Variants in LUM observed in about 807,000 individuals in gnomAD.
The protein encoded by LUM is lumican, also known as KSPG lumican.
In LUM, 13 loss-of-function variants were observed where a neutral mutation model predicts 20.5. That is an observed-to-expected ratio of 0.63 (90% confidence interval 0.41 to 1.01). The LOEUF is 1.01. Among genes scored for constraint, LUM ranks in the 50% least tolerant of loss-of-function variants. The pLI is 0.00. For synonymous variants in LUM, 173 were observed against 151.5 expected, an observed-to-expected ratio of 1.14 and a Z score of -1.04; for missense variants, 321 against 391.1, an observed-to-expected ratio of 0.82 and a Z score of 1.51.
chr12:91,108,649 C>A lies in LUM; in HGVS notation c.331G>T (p.Val111Phe). 1 of 1,614,044 alleles carries A rather than the reference C, an allele frequency of 6.2e-7. No homozygotes were observed. The highest frequency in any genetic ancestry group is 1.7e-4 in the Middle Eastern group (1 of 6,060). The change falls in exon 2 of 3, where the codon GTT becomes TTT. Residue 111 changes from valine to phenylalanine, a missense_variant. Val to Phe is a conservative substitution (Grantham distance 50). Transcript: ENST00000266718. This position sits in a 1 kb window ranked among gnomAD's most constrained non-coding sequence, Gnocchi z 4.2. ...LLENSKIKGRVFSKLKQLKKL... is the reference protein window; with the variant it reads ...LLENSKIKGRFFSKLKQLKKL... The stretch of plus-strand genomic sequence containing the variant: ...TTCAGTTGTTTCAATTTAGAGAAAA[C>A]TCTCCCTTTTATCTTGGAGTTTTCT...
chr12:91,110,122 A>G (rs1592663753), intron 1 of LUM, among the ~76,000 whole-genome samples: 2 of 152,214 alleles, frequency 1.3e-5, no homozygotes, highest in South Asian at 4.1e-4. Flanking sequence ...TATAAGAGTT[A>G]GACTTTTATA....
At chr12:91,107,346 G>GAAA (rs1880102170) in intron 2 of LUM, among the ~76,000 whole-genome samples, 1 of 133,190 alleles carries the variant, frequency 7.5e-6, no homozygotes, top group East Asian at 2.6e-4. Flanking sequence ...AGAAAGAAAG[G>GAAA]GAAAGAAAGG....
Position 91,108,728 on chromosome 12 carries a change from C to T in LUM, c.252G>A (p.Lys84=), listed in dbSNP as rs1433798472. ...GCAGATCAGTTACATTCTCAAAGGC[C>T]TTTTCATCAATATGGTCAATCTGGT... The part of the protein sequence containing the change: ...RNNQIDHIDE[K]AFENVTDLQW... Residue 84 remains lysine (K), a synonymous_variant, in exon 2 of 3, where the codon AAG becomes AAA. Transcript: ENST00000266718. This position sits in a 1 kb window ranked among gnomAD's most constrained non-coding sequence, Gnocchi z 4.2. 1 of 1,614,086 alleles carries T rather than the reference C, an allele frequency of 6.2e-7. No homozygotes were observed. The highest frequency in any genetic ancestry group is 1.1e-5 in the South Asian group (1 of 91,080).
chr12:91,107,036 G>A (rs1263984555), intron 2 of LUM, among the ~76,000 whole-genome samples: 1 of 150,982 alleles, frequency 6.6e-6, no homozygotes, highest in Non-Finnish European at 1.5e-5. Flanking sequence ...GCCTGGTGGT[G>A]GTGGTGGCCT....
intron 2 of LUM, among the ~76,000 whole-genome samples, chr12:91,106,825 T>G (rs1470562217): frequency 6.6e-6 from 1 of 151,752 alleles, no homozygotes; most frequent in Non-Finnish European, 1.5e-5. Flanking sequence ...ATGATGATCA[T>G]GACAGCAGAG....
chr12:91,110,970 T>G (rs1193993778), intron 1 of LUM, among the ~76,000 whole-genome samples: 2 of 152,212 alleles, frequency 1.3e-5, no homozygotes, highest in African/African-American at 2.4e-5. Flanking sequence ...ACATAGAACG[T>G]TTATTGTAAA....
intron 2 of LUM, among the ~76,000 whole-genome samples, chr12:91,105,636 A>G (rs1284288011): frequency 6.6e-6 from 1 of 152,216 alleles, no homozygotes; most frequent in African/African-American, 2.4e-5. Flanking sequence ...GACAAGGAGA[A>G]TACCTGACTA....
In LUM at chr12:91,108,100, G is replaced by T; in HGVS notation, c.862+18C>A. On this transcript the variant is annotated intron_variant, in intron 2 of 2. Coordinates refer to ENST00000266718, the MANE Select transcript of LUM (RefSeq NM_002345.4). This position sits in a 1 kb window ranked among gnomAD's most constrained non-coding sequence, Gnocchi z 4.2. ...ACACTTGAGCACACATCAAACACAG[G>T]AACAGCTTTTTACTTACTCTCAAGT... 1 of 1,613,344 alleles carries T rather than the reference G, an allele frequency of 6.2e-7. No individual in the cohort carries two copies. The highest frequency in any genetic ancestry group is 8.5e-7 in the Non-Finnish European group (1 of 1,179,578).
chr12:91,104,090 T>C lies in LUM; in HGVS notation c.*75A>G, dbSNP rs896275469. 4 of 1,176,204 alleles carry C rather than the reference T, an allele frequency of 3.4e-6. No individual in the cohort carries two copies. The highest frequency in any genetic ancestry group is 5.0e-6 in the Non-Finnish European group (4 of 796,824). 72.9% of individuals were successfully genotyped at this position (1,176,204 alleles called of 1,614,324 possible). A position where few individuals can be genotyped will look rare whatever the true frequency, so the allele number is the denominator to read the frequency against. ...TAAAATTCATGGAAGTAATAAACAG[T>C]AATAAAATATGGATACTATGAAAAC... On this transcript the variant is annotated 3_prime_UTR_variant, in exon 3 of 3. Transcript: ENST00000266718.
intron 1 of LUM, among the ~76,000 whole-genome samples, chr12:91,111,137 A>G (rs941689956): frequency 6.6e-6 from 1 of 152,232 alleles, no homozygotes; most frequent in Non-Finnish European, 1.5e-5. Context: ...CACTGTGTCT[A>G]CTTTAACTAT....
Position 91,103,708 on chromosome 12 carries a change from A to G in LUM, c.*457T>C, listed in dbSNP as rs80228231. On this transcript the variant is annotated 3_prime_UTR_variant, in exon 3 of 3. Transcript: ENST00000266718. The stretch of plus-strand genomic sequence containing the variant: ...TAAAAATACTTCTTTAAGTGCATGA[A>G]GCTTCATGTATTTTGCAATATTCTT... The G allele has an allele frequency of 0.032, 4,845 of 152,920 alleles. 239 individuals carry two copies. The highest frequency in any genetic ancestry group is 0.26 in the East Asian group (1,355 of 5,162). 9.5% of individuals were successfully genotyped at this position (152,920 alleles called of 1,614,324 possible). A position where few individuals can be genotyped will look rare whatever the true frequency, so the allele number is the denominator to read the frequency against.
chr12:91,108,262 C>G lies in LUM; in HGVS notation c.718G>C (p.Glu240Gln), dbSNP rs267603717. ...CCAGGTATTCCACTATCAGCCAGTTCGTTGTGAGATAAACGCAGATACTGC... is the reference window on the plus strand; with the variant it reads ...CCAGGTATTCCACTATCAGCCAGTTGGTTGTGAGATAAACGCAGATACTGC... ...ALQYLRLSHN[E>Q]LADSGIPGNS... The change falls in exon 2 of 3, where the codon GAA becomes CAA. Residue 240 changes from glutamate (E) to glutamine (Q), a missense_variant. Coordinates refer to ENST00000266718, the MANE Select transcript of LUM (RefSeq NM_002345.4). The surrounding 1 kb of genome is among the most constrained non-coding windows in gnomAD (Gnocchi z 4.2). The G allele has an allele frequency of 6.2e-7, 1 of 1,613,954 alleles. No individual in the cohort carries two copies. Among genetic ancestry groups the G allele is most frequent in the Non-Finnish European group, 8.5e-7 (1 of 1,180,010 alleles).
chr12:91,104,172 A>G lies in LUM; in HGVS notation c.1010T>C (p.Leu337Pro). Residue 337 changes from leucine to proline, a missense_variant, in exon 3 of 3, where the codon CTT becomes CCT. Transcript: ENST00000266718. ...ECLRVANEVT[L>P]N ...TGTTCCAGGATACAGATATTAATTAAGAGTGACTTCGTTAGCAACACGTAG... is the reference window on the plus strand; with the variant it reads ...TGTTCCAGGATACAGATATTAATTAGGAGTGACTTCGTTAGCAACACGTAG... 6.2e-7 allele frequency: 1 copy of G among 1,611,746 alleles called. No individual in the cohort carries two copies. Among genetic ancestry groups the G allele is most frequent in the Non-Finnish European group, 8.5e-7 (1 of 1,178,264 alleles).
chr12:91,107,831 T>C (rs576644589), intron 2 of LUM, among the ~76,000 whole-genome samples: 2 of 152,198 alleles, frequency 1.3e-5, no homozygotes, highest in South Asian at 4.1e-4. Context: ...TTCTCCTGGC[T>C]CAGCCTCCTG....
chr12:91,107,678 A>G (rs138794025), intron 2 of LUM, among the ~76,000 whole-genome samples: 421 of 152,148 alleles, frequency 2.8e-3, no homozygotes, highest in African/African-American at 9.5e-3. Context: ...TGATTGAGCT[A>G]GAATTATTCT....
At chr12:91,107,470 T>A (rs1019407229) in intron 2 of LUM, among the ~76,000 whole-genome samples, 1 of 152,070 alleles carries the variant, frequency 6.6e-6, no homozygotes, top group Non-Finnish European at 1.5e-5. Context: ...TCCTCCCTCA[T>A]CTAGATCTTG....
intron 2 of LUM, among the ~76,000 whole-genome samples, chr12:91,106,103 T>C (rs990537746): frequency 1.3e-5 from 2 of 152,150 alleles, no homozygotes; most frequent in Non-Finnish European, 2.9e-5. Flanking sequence ...ACCCTTACCT[T>C]GGCTGCTTTT....
At chr12:91,107,301 G>GAA (rs1491315551) in intron 2 of LUM, among the ~76,000 whole-genome samples, 2 of 108,258 alleles carry the variant, frequency 1.8e-5, no homozygotes, top group African/African-American at 7.4e-5. Flanking sequence ...AAGAAAGAAA[G>GAA]AAAGAAAGAA....
intron 1 of LUM, among the ~76,000 whole-genome samples, chr12:91,110,850 T>TA (rs1217643773): frequency 6.6e-6 from 1 of 152,150 alleles, no homozygotes; most frequent in Non-Finnish European, 1.5e-5. Context: ...CAGAACTTTT[T>TA]AAAAAACTCG....
Sources: allele counts gnomAD v4.1 joint callset (sites outside exome capture counted in the v4.1 genomes callset), GRCh38; gene constraint gnomAD v4.1.1; non-coding constraint Gnocchi (gnomAD v3.1); transcripts MANE v1.5; gene names NCBI Gene and HGNC (gene_info 2026-07-23, HGNC 2026-07-21).